The following RIF1 variants were observed in gnomAD, a reference collection of about 807,000 sequenced individuals.
RIF1 encodes the protein replication timing regulatory factor 1, also known as telomere-associated protein RIF1.
A neutral mutation model predicts 247.1 loss-of-function variants in RIF1; 45 were observed. The ratio of observed to expected loss-of-function variants is 0.18; its 90% CI spans 0.14 to 0.23. RIF1 has a LOEUF of 0.23. RIF1 is among the 10% of genes least tolerant of loss of function. RIF1 has a pLI of 1.00. For missense variants in RIF1, 2,967 were observed against 2,862.5 expected, an observed-to-expected ratio of 1.04 and a Z score of -0.83; for synonymous variants, 1,087 against 978.8, an observed-to-expected ratio of 1.11 and a Z score of -2.06.
rs149876702 is a variant in RIF1 at position 151,436,946 on chromosome 2, T to C, written c.1315T>C (p.Leu439=). ...GGGACTTGAAATGTTGCTTCATTTCTTGTTGGGTCCAGAAGCCTTGAGTTT... is the reference window on the plus strand; with the variant it reads ...GGGACTTGAAATGTTGCTTCATTTCCTGTTGGGTCCAGAAGCCTTGAGTTT... ...LLGLEMLLHF[L]LGPEALSFAK... Residue 439 remains leucine (L), a synonymous_variant, in exon 12 of 36, where the codon TTG becomes CTG. Transcript: ENST00000444746. The C allele has an allele frequency of 2.2e-5, 36 of 1,614,068 alleles. No homozygotes were observed. The highest frequency in any genetic ancestry group is 2.8e-5 in the Non-Finnish European group (33 of 1,180,016).
intron 21 of RIF1, among the ~76,000 whole-genome samples, chr2:151,452,506 CTT>C (rs1334210138): frequency 6.6e-6 from 1 of 152,086 alleles, no homozygotes; most frequent in East Asian, 1.9e-4. Context: ...TTCTTAGAAT[CTT>C]TTTTGGTTTT....
the RIF1 span, chr2:151,531,219 A>G: frequency 4.3e-6 from 3 of 694,678 alleles, no homozygotes; most frequent in African/African-American, 5.3e-5. Context: ...TATGAATTTG[A>G]CAGGTGCTTT....
intron 15 of RIF1, 59 bp downstream of exon 15, chr2:151,440,186 A>G: frequency 1.1e-5 from 10 of 922,590 alleles, no homozygotes; most frequent in Non-Finnish European, 1.7e-5. Context: ...TAAATTTTAT[A>G]TAGAAGATAT....
chr2:151,514,467 G>T, the RIF1 span: 2 of 1,439,406 alleles, frequency 1.4e-6, no homozygotes, highest in Non-Finnish European at 9.8e-7. Flanking sequence ...TGACAAGAAA[G>T]CCCAGATTGA....
rs1439765667 is a variant in RIF1, at chr2:151,461,259, A to G, written c.3197A>G (p.Asp1066Gly). 4 of 1,612,980 alleles carry G rather than the reference A, an allele frequency of 2.5e-6. No homozygotes were observed. The highest frequency in any genetic ancestry group is 2.2e-5 in the East Asian group (1 of 44,812). ...GATGCAAAGGAAAGAATATTAACTG[A>G]TCATCAAAAAGAAGTTCTCAAAACA... ...GKDAKERILT[D>G]HQKEVLKTKR... Residue 1066 changes from aspartate to glycine, a missense_variant, in exon 27 of 36, where the codon GAT becomes GGT. Physicochemically the swap from Asp to Gly is moderately conservative, Grantham distance 94. Around this residue, in one of 7 missense-constraint regions of RIF1, gnomAD observed 2,028 missense variants for 1,825.6 expected, o/e 1.11. Coordinates refer to ENST00000444746, the MANE Select transcript of RIF1 (RefSeq NM_018151.5).
chr2:151,443,447 C>A, intron 17 of RIF1, 82 bp from the exon 18 acceptor site: 2 of 1,388,808 alleles, frequency 1.4e-6, no homozygotes, highest in South Asian at 1.4e-5. Flanking sequence ...AACTTTTTGT[C>A]AGTTATTTTA....
intron 22 of RIF1, among the ~76,000 whole-genome samples, chr2:151,455,889 A>G (rs532482960): frequency 2.0e-5 from 3 of 152,224 alleles, no homozygotes; most frequent in East Asian, 1.9e-4. Context: ...TTTTTACCCA[A>G]TTTCTGATTG....
intron 20 of RIF1, among the ~76,000 whole-genome samples, chr2:151,450,230 C>A (rs1257352166): frequency 2.0e-5 from 3 of 151,778 alleles, no homozygotes; most frequent in Non-Finnish European, 4.4e-5. Context: ...ATATGTGTTG[C>A]TATTTTATCA....
chr2:151,423,158 A>AT (rs1688455282), intron 8 of RIF1, 116 bp downstream of exon 8: 1 of 629,366 alleles, frequency 1.6e-6, no homozygotes, highest in Non-Finnish European at 2.8e-6. Flanking sequence ...GATGCTCATT[A>AT]TTTCATGCCT....
the RIF1 span, among the ~76,000 whole-genome samples, chr2:151,533,196 T>C: frequency 6.6e-6 from 1 of 152,236 alleles, no homozygotes; most frequent in African/African-American, 2.4e-5. Context: ...ACTTTGGAAA[T>C]AACACTTGAA....
chr2:151,531,969 GA>G, the RIF1 span: 1 of 860,094 alleles, frequency 1.2e-6, no homozygotes, highest in South Asian at 1.6e-5. Context: ...TTGTCCTCTT[GA>G]AACACCAGAG....
Position 151,438,696 on chromosome 2 carries a change from G to A in RIF1, c.1496G>A (p.Ser499Asn). The A allele has an allele frequency of 6.2e-7, 1 of 1,612,172 alleles. No homozygotes were observed. The highest frequency in any genetic ancestry group is 8.5e-7 in the Non-Finnish European group (1 of 1,178,266). The change falls in exon 14 of 36, where the codon AGT becomes AAT. Residue 499 changes from serine (S) to asparagine (N), a missense_variant. This residue lies in a region of RIF1 where 369 missense variants were observed against 322.0 expected (regional missense o/e 1.15). Coordinates refer to ENST00000444746, the MANE Select transcript of RIF1 (RefSeq NM_018151.5). ...TTTTGTTTGACAGATGTGGTTGTCA[G>A]TGCTATCTGGAAGGAGCTAATTAGC... ...VGKDAPDVVV[S>N]AIWKELISLV...
At chr2:151,524,577 T>C in the RIF1 span, 2 of 1,610,666 alleles carry the variant, frequency 1.2e-6, no homozygotes, top group Non-Finnish European at 1.7e-6. Context: ...GCCACTGTGG[T>C]GTAATGCAGG....
At chr2:151,453,059 A>G (rs543455026) in intron 21 of RIF1, among the ~76,000 whole-genome samples, 1 of 152,350 alleles carries the variant, frequency 6.6e-6, no homozygotes, top group African/African-American at 2.4e-5. Flanking sequence ...TTACATTGTG[A>G]TGATTTCAAA....
intron 17 of RIF1, 76 bp downstream of exon 17, chr2:151,443,405 A>G (rs1439700177): frequency 3.0e-6 from 4 of 1,315,028 alleles, no homozygotes; most frequent in Admixed American, 2.4e-5. Context: ...GTACTATTTC[A>G]TAAGTTTAAG....
intron 27 of RIF1, among the ~76,000 whole-genome samples, chr2:151,461,712 C>T (rs1005829250): frequency 9.2e-5 from 14 of 151,610 alleles, no homozygotes; most frequent in South Asian, 4.2e-4. Flanking sequence ...AATTTTAATG[C>T]GAAAAGTTAT....
At chr2:151,487,852 A>T (rs973868678) in intron 9 of RIF1, among the ~76,000 whole-genome samples, 4 of 152,164 alleles carry the variant, frequency 2.6e-5, no homozygotes, top group African/African-American at 9.7e-5. Context: ...CCTGGACTCA[A>T]GCAGTCCTCC....
intron 25 of RIF1, among the ~76,000 whole-genome samples, chr2:151,459,497 A>T (rs1444591638): frequency 2.0e-5 from 3 of 152,178 alleles, no homozygotes; most frequent in Non-Finnish European, 4.4e-5. Flanking sequence ...CCAACTAAGT[A>T]TCTCATTTGC....
the RIF1 span, among the ~76,000 whole-genome samples, chr2:151,526,556 T>G: frequency 6.6e-6 from 1 of 152,144 alleles, no homozygotes; most frequent in African/African-American, 2.4e-5. Context: ...ATGAGCCCAT[T>G]ATTATTCCGT....
Sources: allele counts gnomAD v4.1 joint callset (sites outside exome capture counted in the v4.1 genomes callset), GRCh38; gene constraint gnomAD v4.1.1; regional missense constraint gnomAD v4.1.1; transcripts MANE v1.5; gene names NCBI Gene and HGNC (gene_info 2026-07-23, HGNC 2026-07-21).